Variants in DPP10 observed in about 807,000 individuals in gnomAD.
DPP10 encodes the protein inactive dipeptidyl peptidase 10.
A neutral mutation model predicts 120.9 loss-of-function variants in DPP10; 33 were observed. The ratio of observed to expected loss-of-function variants is 0.27; its 90% CI spans 0.21 to 0.37. The LOEUF (loss-of-function observed/expected upper bound fraction) is 0.37, where lower values mean the gene tolerates loss of function less well. Among genes scored for constraint, DPP10 ranks in the 10% least tolerant of loss-of-function variants. The pLI, the probability that DPP10 is intolerant of heterozygous loss-of-function variation, is 1.00. For missense variants in DPP10, 816 were observed against 942.8 expected (o/e 0.87, Z 1.76); for synonymous variants, 337 against 326.1 (o/e 1.03, Z -0.36).
intron 1 of DPP10, among the ~76,000 whole-genome samples, chr2:115,025,441 T>C (rs1246293438): frequency 6.6e-6 from 1 of 152,194 alleles, no homozygotes; most frequent in Non-Finnish European, 1.5e-5. Context: ...TTTTGGCTGT[T>C]GTGAATGGTG....
At chr2:115,630,417 C>T (rs1208984282) in intron 5 of DPP10, among the ~76,000 whole-genome samples, 8 of 152,076 alleles carry the variant, frequency 5.3e-5, no homozygotes, top group African/African-American at 1.9e-4. Flanking sequence ...TGCCTGATTG[C>T]CCTGGCCAGA....
intron 1 of DPP10, among the ~76,000 whole-genome samples, chr2:114,609,017 T>C (rs548730117): frequency 6.6e-6 from 1 of 152,034 alleles, no homozygotes; most frequent in Non-Finnish European, 1.5e-5. Flanking sequence ...AGCAAACGTG[T>C]GCATATACCC....
intron 5 of DPP10, among the ~76,000 whole-genome samples, chr2:115,680,168 A>G (rs116135957): frequency 1.1e-4 from 16 of 152,118 alleles, no homozygotes; most frequent in Non-Finnish European, 1.9e-4. Flanking sequence ...TGACAAGAAT[A>G]TTTTAAAGAT....
In DPP10 at chr2:115,380,848, A is replaced by T. The variant is rs139174103; in HGVS notation, c.271+36936A>T. Among the ~76,000 whole-genome samples, 1,459 of 152,136 alleles carry T rather than the reference A, an allele frequency of 9.6e-3. 22 individuals carry two copies. The highest frequency in any genetic ancestry group is 0.032 in the African/African-American group (1,347 of 41,482). ...GCTTGATATGAAATTCTGGGTTGAA[A>T]ATTCTTTTCTTTAGGAATGTTGAAT... On this transcript the variant is annotated intron_variant, in intron 3 of 25. Transcript: ENST00000410059.
At chr2:115,072,302 C>T (rs1212925704) in intron 1 of DPP10, among the ~76,000 whole-genome samples, 1 of 152,154 alleles carries the variant, frequency 6.6e-6, no homozygotes, top group Non-Finnish European at 1.5e-5. Flanking sequence ...ACAGGTTTTA[C>T]AGTTTAGCAT....
At chr2:114,447,286 C>A (rs1254188301) in intron 1 of DPP10, among the ~76,000 whole-genome samples, 1 of 152,082 alleles carries the variant, frequency 6.6e-6, no homozygotes, top group African/African-American at 2.4e-5. Context: ...TGAGCCACCG[C>A]GCCCGGCCCA....
chr2:115,788,415 T>C (rs1232842552), intron 17 of DPP10, among the ~76,000 whole-genome samples: 1 of 152,066 alleles, frequency 6.6e-6, no homozygotes, highest in Non-Finnish European at 1.5e-5. Flanking sequence ...AAGAAGGAAA[T>C]GATATTGAAC....
intron 1 of DPP10, among the ~76,000 whole-genome samples, chr2:114,892,608 G>A (rs1002990432): frequency 3.7e-4 from 56 of 152,290 alleles, no homozygotes; most frequent in Admixed American, 3.5e-3. Flanking sequence ...GCTGAGCCCC[G>A]CTTGGCAGGC....
chr2:114,447,821 G>C (rs936067234), intron 1 of DPP10, among the ~76,000 whole-genome samples: 1 of 152,088 alleles, frequency 6.6e-6, no homozygotes, highest in African/African-American at 2.4e-5. Flanking sequence ...GAAATCAAAA[G>C]AAAAAACTTA....
Position 115,184,300 on chromosome 2 carries a change from T to A in DPP10, c.61-124939T>A, listed in dbSNP as rs2054281954. Among the ~76,000 whole-genome samples, 7 of 152,326 alleles carry A rather than the reference T, an allele frequency of 4.6e-5. No individual in the cohort carries two copies. In the South Asian group the frequency reaches 1.4e-3, roughly 32 times the overall value. On this transcript the variant is annotated intron_variant, in intron 1 of 25. Transcript: ENST00000410059. Reference sequence around the variant, plus strand: ...ACTATAATTTGTCAAGTGGAATTCTTTTGCTGCCTGATGAAGATGATTTGT... The same window carrying A: ...ACTATAATTTGTCAAGTGGAATTCTATTGCTGCCTGATGAAGATGATTTGT...
At chr2:115,789,987 C>T (rs191421949) in intron 17 of DPP10, among the ~76,000 whole-genome samples, 2 of 151,414 alleles carry the variant, frequency 1.3e-5, no homozygotes, top group Admixed American at 1.3e-4. Flanking sequence ...TATCTGTATA[C>T]AATATGTACA....
chr2:114,763,926 C>T (rs1232754827), intron 1 of DPP10, among the ~76,000 whole-genome samples: 1 of 152,212 alleles, frequency 6.6e-6, no homozygotes, highest in Non-Finnish European at 1.5e-5. Flanking sequence ...ATCCTAGACC[C>T]TGGCTGCAGT....
At chr2:114,811,124 C>T (rs565552385) in intron 1 of DPP10, among the ~76,000 whole-genome samples, 2 of 152,206 alleles carry the variant, frequency 1.3e-5, no homozygotes, top group African/African-American at 4.8e-5. Context: ...TTTCACAGGA[C>T]AGGAGAAGAT....
At chr2:114,842,999 G>T (rs1688279009) in intron 1 of DPP10, among the ~76,000 whole-genome samples, 1 of 152,104 alleles carries the variant, frequency 6.6e-6, no homozygotes, top group African/African-American at 2.4e-5. Context: ...CAGTAAAAGG[G>T]TTGACTTGAA....
chr2:114,599,983 T>A (rs892041975), intron 1 of DPP10, among the ~76,000 whole-genome samples: 1 of 151,808 alleles, frequency 6.6e-6, no homozygotes, highest in African/African-American at 2.4e-5. Context: ...TTTAGAAATA[T>A]GACTATTATG....
At chr2:115,451,906 G>A (rs1363313421) in intron 3 of DPP10, among the ~76,000 whole-genome samples, 1 of 151,256 alleles carries the variant, frequency 6.6e-6, no homozygotes, top group African/African-American at 2.4e-5. Context: ...GTGTGTCTGT[G>A]TCTGTGTATC....
intron 1 of DPP10, among the ~76,000 whole-genome samples, chr2:115,187,828 C>T (rs2054570032): frequency 1.3e-5 from 2 of 151,984 alleles, no homozygotes; most frequent in Non-Finnish European, 1.5e-5. Context: ...TGGTGAAACC[C>T]CATCTCTACA....
chr2:115,527,701 G>T lies in DPP10; in HGVS notation c.441+1729G>T, dbSNP rs373319111. The stretch of plus-strand genomic sequence containing the variant: ...ACACAACTATACAATCAGAAAGTGG[G>T]CCCAGACATGAAGAGACATTTCACT... On this transcript the variant is annotated intron_variant, in intron 5 of 25. Transcript: ENST00000410059. Among the ~76,000 whole-genome samples, 5 of 152,032 alleles carry T rather than the reference G, an allele frequency of 3.3e-5. No individual in the cohort carries two copies. In the East Asian group the frequency reaches 9.6e-4, roughly 29 times the overall value.
intron 19 of DPP10, among the ~76,000 whole-genome samples, chr2:115,801,231 CTGTT>C (rs1387275334): frequency 3.9e-5 from 6 of 152,034 alleles, no homozygotes; most frequent in Admixed American, 6.5e-5. Flanking sequence ...ATTTGGCTCT[CTGTT>C]TGTCTGTTAT....
Sources: allele counts gnomAD v4.1 joint callset (sites outside exome capture counted in the v4.1 genomes callset), GRCh38; gene constraint gnomAD v4.1.1; transcripts MANE v1.5; gene names NCBI Gene and HGNC (gene_info 2026-07-23, HGNC 2026-07-21).